ATP8B4: variants seen among roughly 807,000 people sequenced by gnomAD.
ATP8B4 encodes ATPase phospholipid transporting 8B4 (putative).
A neutral mutation model predicts 145.6 loss-of-function variants in ATP8B4; 133 were observed. That is an observed-to-expected ratio of 0.91 (90% CI 0.79 to 1.05). The LOEUF (loss-of-function observed/expected upper bound fraction) is 1.05, where lower values mean the gene tolerates loss of function less well. Ranked by LOEUF, ATP8B4 falls within the 50% of genes least tolerant of loss-of-function variation. The pLI, the probability that ATP8B4 is intolerant of heterozygous loss-of-function variation, is 0.00. For missense variants in ATP8B4, 1,458 were observed against 1,425.2 expected, an observed-to-expected ratio of 1.02 and a Z score of -0.37; for synonymous variants, 507 against 492.9, an observed-to-expected ratio of 1.03 and a Z score of -0.38.
At chr15:50,001,850 C>T (rs144072967) in intron 8 of ATP8B4, among the ~76,000 whole-genome samples, 10 of 152,206 alleles carry the variant, frequency 6.6e-5, no homozygotes, top group African/African-American at 2.4e-4. Context: ...CTCATTTTCC[C>T]TATAAAATCA....
rs75934002 is a variant in ATP8B4 at position 49,900,452 on chromosome 15, C to T, written c.2289+640G>A. ...CATATAAATTATAATTTCACTGGAGCGTAATTGGAGCTTTTGTATTTTAAA... is the reference window on the plus strand; with the variant it reads ...CATATAAATTATAATTTCACTGGAGTGTAATTGGAGCTTTTGTATTTTAAA... On this transcript the variant is annotated intron_variant, in intron 21 of 27. Coordinates refer to ENST00000284509, the MANE Select transcript of ATP8B4 (RefSeq NM_024837.4). Among the ~76,000 whole-genome samples the T allele has an allele frequency of 6.7e-3, 1,027 of 152,206 alleles. 13 individuals are homozygous for T. The highest frequency in any genetic ancestry group is 0.024 in the African/African-American group (983 of 41,518).
intron 23 of ATP8B4, chr15:49,895,712 T>C (rs1031618133): frequency 2.0e-5 from 3 of 152,242 alleles, no homozygotes; most frequent in Admixed American, 6.5e-5. Context: ...AGTTGCTTAA[T>C]ATCTGGCTCT....
chr15:49,860,342 G>C lies in ATP8B4; in HGVS notation c.3431C>G (p.Ser1144Cys). 1 of 1,614,090 alleles carries C rather than the reference G, an allele frequency of 6.2e-7. No homozygotes were observed. Among genetic ancestry groups the C allele is most frequent in the Non-Finnish European group, 8.5e-7 (1 of 1,180,006 alleles). ...HQEGYGELIT[S>C]GKNMRAKNPP... ...ATTTTTAGCTCGCATATTTTTTCCA[G>C]ATGTGATAAGCTCTCCATAGCCTTC... is the stretch of plus-strand genomic sequence containing the variant. The change falls in exon 28 of 28, where the codon TCT becomes TGT. Residue 1144 changes from serine to cysteine, a missense_variant. Coordinates refer to ENST00000284509, the MANE Select transcript of ATP8B4 (RefSeq NM_024837.4).
In ATP8B4 at chr15:49,972,661, G is replaced by A. The variant is rs775412899; in HGVS notation, c.1164C>T (p.Tyr388=). 40 of 1,613,904 alleles carry A rather than the reference G, an allele frequency of 2.5e-5. No homozygotes were observed. The highest frequency in any genetic ancestry group is 6.7e-5 in the Admixed American group (4 of 59,966). Residue 388 remains tyrosine, a synonymous_variant, in exon 13 of 28, where the codon TAC becomes TAT. Coordinates refer to ENST00000284509, the MANE Select transcript of ATP8B4 (RefSeq NM_024837.4). ...GGGTACCCGTTTTGTCGGAGAAAAT[G>A]TACTCAATCTGCCCCAGTTCCTCAT... The part of the protein sequence containing the change: ...TLNEELGQIE[Y]IFSDKTGTLT...
chr15:49,972,739 C>A lies in ATP8B4; in HGVS notation c.1086G>T (p.Lys362Asn). Reference protein sequence around the residue: ...GHSYFINWDRKMYYSRKAIPA... With the variant: ...GHSYFINWDRNMYYSRKAIPA... Reference sequence around the variant, plus strand: ...GTATTGCTTTTCGAGAATAATACATCTTCCGGTCCCAGTTTATAAAATAAC... The same window carrying A: ...GTATTGCTTTTCGAGAATAATACATATTCCGGTCCCAGTTTATAAAATAAC... Residue 362 changes from lysine (K) to asparagine (N), a missense_variant, in exon 13 of 28, where the codon AAG (lysine) becomes AAT (asparagine). Coordinates refer to ENST00000284509, the MANE Select transcript of ATP8B4 (RefSeq NM_024837.4). The A allele has an allele frequency of 1.2e-6, 2 of 1,614,014 alleles. No homozygotes were observed. Among genetic ancestry groups the A allele is most frequent in the East Asian group, 2.2e-5 (1 of 44,870 alleles).
chr15:50,130,452 C>CT (rs2057337965), intron 1 of ATP8B4, among the ~76,000 whole-genome samples: 2 of 152,026 alleles, frequency 1.3e-5, no homozygotes, highest in Non-Finnish European at 2.9e-5. Flanking sequence ...AGTCACTCAA[C>CT]TTCTTGGGGT....
At chr15:50,038,546 G>T (rs2051014951) in intron 6 of ATP8B4, among the ~76,000 whole-genome samples, 1 of 152,038 alleles carries the variant, frequency 6.6e-6, no homozygotes, top group Non-Finnish European at 1.5e-5. Context: ...TTCCATAAAA[G>T]GTACACCAAA....
chr15:50,145,240 C>T (rs2044261899), intron 1 of ATP8B4, among the ~76,000 whole-genome samples: 1 of 152,148 alleles, frequency 6.6e-6, no homozygotes, highest in African/African-American at 2.4e-5. Flanking sequence ...TTAATTAACA[C>T]TGGGCATAAA....
At chr15:49,950,542 TTCTC>T (rs1767789374) in intron 14 of ATP8B4, among the ~76,000 whole-genome samples, 1 of 150,142 alleles carries the variant, frequency 6.7e-6, no homozygotes, top group South Asian at 2.1e-4. Flanking sequence ...TGTTTGATTC[TTCTC>T]TCTCTTCTTC....
At chr15:49,978,280 A>G (rs2045847456) in intron 12 of ATP8B4, among the ~76,000 whole-genome samples, 1 of 152,152 alleles carries the variant, frequency 6.6e-6, no homozygotes, top group South Asian at 2.1e-4. Context: ...TTTACTACAG[A>G]CTTTATAATT....
chr15:50,135,746 T>C (rs1264174082), intron 1 of ATP8B4, among the ~76,000 whole-genome samples: 2 of 152,214 alleles, frequency 1.3e-5, no homozygotes, highest in East Asian at 3.8e-4. Context: ...ACTAAATACC[T>C]ATGCCGTTGA....
intron 3 of ATP8B4, 43 bp from the exon 4 acceptor site, chr15:50,047,507 G>C: frequency 1.7e-6 from 2 of 1,190,848 alleles, no homozygotes; most frequent in Non-Finnish European, 1.3e-6. Context: ...GCAAGGCATT[G>C]CTCATGATCA....
Position 50,173,478 on chromosome 15 carries a change from A to G in ATP8B4, c.-43+8783T>C, listed in dbSNP as rs528370034. Among the ~76,000 whole-genome samples the G allele has an allele frequency of 1.3e-5, 2 of 152,172 alleles. 1 individual carries two copies. The highest frequency in any genetic ancestry group is 4.8e-5 in the African/African-American group (2 of 41,486). ...GGCGGTGCAAGATGTGCTTTGTTAA[A>G]CAGACGCTTGAAGGCAGCATACTGG... is the stretch of plus-strand genomic sequence containing the variant. On this transcript the variant is annotated intron_variant, in intron 1 of 3. Transcript: ENST00000558829.
chr15:49,934,317 G>T, intron 14 of ATP8B4, 135 bp from the exon 15 acceptor site: 1 of 953,718 alleles, frequency 1.0e-6, no homozygotes, highest in Non-Finnish European at 1.5e-6. Flanking sequence ...TAAAATGGCT[G>T]TTTCATCATT....
At chr15:49,954,925 G>T (rs577001125) in intron 14 of ATP8B4, among the ~76,000 whole-genome samples, 1 of 152,278 alleles carries the variant, frequency 6.6e-6, no homozygotes, top group South Asian at 2.1e-4. Flanking sequence ...AATAAACCCA[G>T]ATGCCCATCA....
chr15:50,156,625 C>T (rs943786128), intron 1 of ATP8B4, among the ~76,000 whole-genome samples: 2 of 152,110 alleles, frequency 1.3e-5, no homozygotes, highest in Non-Finnish European at 2.9e-5. Context: ...GTAGGCTCTA[C>T]GTGTTAACTA....
At chr15:49,917,276 T>C (rs2039838179) in intron 19 of ATP8B4, 1 of 446,812 alleles carries the variant, frequency 2.2e-6, no homozygotes, top group Non-Finnish European at 4.0e-6. Flanking sequence ...CTAACGAATG[T>C]GCAGCCTTCT....
chr15:49,945,593 G>GC (rs1417783466), intron 14 of ATP8B4, among the ~76,000 whole-genome samples: 3 of 151,990 alleles, frequency 2.0e-5, no homozygotes, highest in Non-Finnish European at 4.4e-5. Flanking sequence ...CAATTAACAT[G>GC]CAAAAATCCC....
intron 9 of ATP8B4, among the ~76,000 whole-genome samples, chr15:49,989,426 A>AG (rs2046880930): frequency 6.6e-6 from 1 of 151,880 alleles, no homozygotes; most frequent in Non-Finnish European, 1.5e-5. Context: ...AGCCACTTAA[A>AG]AAAAAAAAAT....
Sources: gnomAD v4.1 joint callset for allele counts (sites outside exome capture counted in the v4.1 genomes callset) on GRCh38, gnomAD v4.1.1 for gene constraint, MANE v1.5 for transcripts, NCBI Gene and HGNC (gene_info 2026-07-23, HGNC 2026-07-21) for gene names.